Variants in VXN observed in about 807,000 individuals in gnomAD.
VXN encodes vexin.
VXN carries 7 observed loss-of-function variants against 23.1 expected under a neutral mutation model. The observed-to-expected ratio is 0.30, with a 90% confidence interval of 0.17 to 0.57. The LOEUF (loss-of-function observed/expected upper bound fraction) is 0.57. Ranked by LOEUF, VXN falls within the 20% of genes least tolerant of loss-of-function variation. The pLI, the probability that VXN is intolerant of heterozygous loss-of-function variation, is 0.91. For synonymous variants in VXN, 120 were observed against 105.8 expected (o/e 1.13, Z -0.83); for missense variants, 238 against 272.6 (o/e 0.87, Z 0.89).
In VXN at chr8:66,509,219, T is replaced by C. The variant is rs1322941220; in HGVS notation, c.281-877T>C. 2.6e-5 allele frequency among the ~76,000 whole-genome samples: 4 copies of C among 152,330 alleles called. No individual in the cohort carries two copies. In the East Asian group the frequency reaches 7.7e-4, roughly 29 times the overall value. ...GAAGGGGAGTTATTTCTAGATGCTG[T>C]AGTACAATCAGATGGGGCTTGTCCT... On this transcript the variant is annotated intron_variant, in intron 3 of 5. Coordinates refer to ENST00000305454, the MANE Select transcript of VXN (RefSeq NM_152765.4).
chr8:66,513,767 A>G (rs1006232769), intron 5 of VXN, 130 bp downstream of exon 5: 8 of 651,664 alleles, frequency 1.2e-5, no homozygotes, highest in Non-Finnish European at 1.9e-5. Flanking sequence ...GCCAGCTGCA[A>G]ATTATCTTTT....
At chr8:66,495,623 C>T (rs1014821305) in intron 1 of VXN, among the ~76,000 whole-genome samples, 4 of 152,074 alleles carry the variant, frequency 2.6e-5, no homozygotes, top group African/African-American at 9.7e-5. Context: ...TTTTCCCTTC[C>T]CATTTTCATT....
At chr8:66,514,412 T>G (rs1339319787) in intron 5 of VXN, 1 of 152,242 alleles carries the variant, frequency 6.6e-6, no homozygotes, top group Non-Finnish European at 1.5e-5. Context: ...CTTAGGGGGT[T>G]GTGGTGAGAA....
intron 1 of VXN, 146 bp from the exon 2 acceptor site, chr8:66,496,291 A>G: frequency 2.9e-6 from 2 of 684,312 alleles, no homozygotes; most frequent in South Asian, 3.6e-5. Flanking sequence ...TAACATCTTC[A>G]ATCGCAACGA....
intron 1 of VXN, 50 bp from the exon 2 acceptor site, chr8:66,496,387 C>T: frequency 6.4e-7 from 1 of 1,564,476 alleles, no homozygotes; most frequent in East Asian, 2.2e-5. Context: ...GTAGCTATGT[C>T]AGCCTCGCTG....
chr8:66,502,045 C>G (rs1586517364), intron 2 of VXN, among the ~76,000 whole-genome samples: 1 of 152,208 alleles, frequency 6.6e-6, no homozygotes, highest in Non-Finnish European at 1.5e-5. Flanking sequence ...GTTCCTTCTT[C>G]TCAAATACCT....
intron 5 of VXN, among the ~76,000 whole-genome samples, chr8:66,515,018 AAAAC>A (rs969109125): frequency 6.6e-6 from 1 of 152,264 alleles, no homozygotes; most frequent in Non-Finnish European, 1.5e-5. Context: ...TTAATTGAAG[AAAAC>A]AAACAAAAAA....
chr8:66,513,365 G>A (rs1179979941), intron 4 of VXN, among the ~76,000 whole-genome samples, 175 bp from the exon 5 acceptor site: 1 of 152,186 alleles, frequency 6.6e-6, no homozygotes, highest in Non-Finnish European at 1.5e-5. Context: ...AGCTGGGGTG[G>A]GGCCTGGCAC....
At chr8:66,510,536 A>G (rs1807810162) in intron 4 of VXN, among the ~76,000 whole-genome samples, 1 of 152,202 alleles carries the variant, frequency 6.6e-6, no homozygotes, top group African/African-American at 2.4e-5. Flanking sequence ...AAGAGAGGCG[A>G]GGCTCTCGAG....
At chr8:66,498,963 T>G in intron 2 of VXN, 4 of 289,258 alleles carry the variant, frequency 1.4e-5, no homozygotes, top group Non-Finnish European at 2.9e-5. Context: ...AAATCCCAGT[T>G]CTATCCATTT....
At chr8:66,515,799 G>GGA in intron 5 of VXN, 94 bp from the exon 6 acceptor site, 1 of 1,091,332 alleles carries the variant, frequency 9.2e-7, no homozygotes, top group South Asian at 1.6e-5. Context: ...GAGGAGCAGA[G>GGA]GAGAGAGAGC....
At chr8:66,512,979 T>C (rs1807841951) in intron 4 of VXN, among the ~76,000 whole-genome samples, 1 of 152,106 alleles carries the variant, frequency 6.6e-6, no homozygotes, top group Admixed American at 6.5e-5. Flanking sequence ...TGGAGTGCCT[T>C]ATGCTTCTAC....
At chr8:66,505,188 TA>T in intron 2 of VXN, 186 bp from the exon 3 acceptor site, 2 of 826,010 alleles carry the variant, frequency 2.4e-6, no homozygotes, top group Non-Finnish European at 4.0e-6. Flanking sequence ...TGAAGTCAAA[TA>T]AAACAGTCAC....
chr8:66,498,167 C>CAA (rs57990704), intron 2 of VXN, among the ~76,000 whole-genome samples: 3,745 of 120,994 alleles, frequency 0.031, 92 homozygotes, highest in South Asian at 0.07. Context: ...GACTCCGTCT[C>CAA]AAAAAAAAAA....
chr8:66,497,905 C>T lies in VXN; in HGVS notation c.126+1413C>T, dbSNP rs1056675665. Among the ~76,000 whole-genome samples the T allele has an allele frequency of 3.3e-5, 5 of 151,856 alleles. No homozygotes were observed. In the East Asian group the frequency reaches 5.8e-4, roughly 18 times the overall value. ...CCAGGCGGCCAGGCGCAGTGGCTCA[C>T]GCCTGTAATCCTAGCACTTTGGGAG... On this transcript the variant is annotated intron_variant, in intron 2 of 5. Transcript: ENST00000305454.
At chr8:66,499,100 C>A (rs1157855985) in intron 2 of VXN, among the ~76,000 whole-genome samples, 1 of 150,258 alleles carries the variant, frequency 6.7e-6, no homozygotes, top group Non-Finnish European at 1.5e-5. Context: ...TTTTCTTCTG[C>A]AACAAAAGCC....
At position 66,493,628 on chromosome 8, in the gene VXN, C is replaced by A; in HGVS notation, c.-21C>A. ...GACAGAGGCCTCCAGTTCCCAGGCA[C>A]TTCGGGAAGAGGAGGCTGAAATGAT... On this transcript the variant is annotated 5_prime_UTR_variant, in exon 1 of 6. Transcript: ENST00000305454. 1 of 1,611,958 alleles carries A rather than the reference C, an allele frequency of 6.2e-7. No homozygotes were observed. Among genetic ancestry groups the A allele is most frequent in the East Asian group, 2.2e-5 (1 of 44,874 alleles).
intron 4 of VXN, 88 bp downstream of exon 4, chr8:66,510,245 A>C: frequency 8.9e-7 from 1 of 1,117,544 alleles, no homozygotes; most frequent in Non-Finnish European, 1.3e-6. Context: ...AGAGAGACTC[A>C]GTGTTCTTTG....
intron 3 of VXN, among the ~76,000 whole-genome samples, chr8:66,508,525 TG>T (rs1807785449): frequency 6.6e-6 from 1 of 152,178 alleles, no homozygotes; most frequent in Admixed American, 6.5e-5. Context: ...AGCCCTGAGC[TG>T]GGGGTAGTTC....
Sources: allele counts gnomAD v4.1 joint callset (sites outside exome capture counted in the v4.1 genomes callset), GRCh38; gene constraint gnomAD v4.1.1; transcripts MANE v1.5; gene names NCBI Gene and HGNC (gene_info 2026-07-23, HGNC 2026-07-21).